Variants in APBB2 observed in about 807,000 individuals in gnomAD.
The protein encoded by APBB2 is Fe65-like 1.
In APBB2, 38 loss-of-function variants were observed where a neutral mutation model predicts 82.5. The observed-to-expected ratio is 0.46, with a 90% confidence interval of 0.36 to 0.60. The LOEUF is 0.60. Among genes scored for constraint, APBB2 ranks in the 20% least tolerant of loss-of-function variants. The pLI is 0.00. For synonymous variants in APBB2, 341 were observed against 368.2 expected (o/e 0.93, Z 0.85); for missense variants, 772 against 972.3 (o/e 0.79, Z 2.74).
intron 5 of APBB2, among the ~76,000 whole-genome samples, chr4:41,023,995 AT>A (rs1712875358): frequency 6.6e-6 from 1 of 152,212 alleles, no homozygotes; most frequent in Admixed American, 6.5e-5. Context: ...ACACAGACCA[AT>A]GGGACAGAAT....
At chr4:40,961,683 A>AGTT (rs760708417) in intron 6 of APBB2, among the ~76,000 whole-genome samples, 8,424 of 140,168 alleles carry the variant, frequency 0.06, 360 homozygotes, top group East Asian at 0.096. Context: ...AAAAAAAAAA[A>AGTT]AAAAAAAAAA....
chr4:40,959,702 G>T (rs1252563591), intron 6 of APBB2, among the ~76,000 whole-genome samples: 1 of 152,032 alleles, frequency 6.6e-6, no homozygotes, highest in African/African-American at 2.4e-5. Flanking sequence ...TCTGTGTGTG[G>T]GAACATTATT....
At chr4:40,966,872 C>T (rs974246727) in intron 6 of APBB2, among the ~76,000 whole-genome samples, 8 of 152,148 alleles carry the variant, frequency 5.3e-5, no homozygotes, top group African/African-American at 1.7e-4. Context: ...GGCTCCTGGG[C>T]AGAAAGGGTC....
chr4:40,883,670 G>A (rs918739074), intron 12 of APBB2, among the ~76,000 whole-genome samples: 2 of 148,190 alleles, frequency 1.3e-5, no homozygotes, highest in Non-Finnish European at 3.0e-5. Flanking sequence ...CCCGAATGCT[G>A]CTAGTAGAAG....
intron 12 of APBB2, chr4:40,880,515 GT>G: frequency 1.0e-6 from 1 of 985,406 alleles, no homozygotes; most frequent in South Asian, 4.7e-5. Context: ...GGTTATCATG[GT>G]TATGACTTCC....
At chr4:41,116,658 A>T (rs1289851125) in intron 2 of APBB2, among the ~76,000 whole-genome samples, 1 of 152,152 alleles carries the variant, frequency 6.6e-6, no homozygotes, top group Non-Finnish European at 1.5e-5. Context: ...GCTAGCTATA[A>T]TTAATTTTTA....
chr4:41,112,389 A>T (rs184550469), intron 2 of APBB2, among the ~76,000 whole-genome samples: 1 of 152,312 alleles, frequency 6.6e-6, no homozygotes, highest in African/African-American at 2.4e-5. Context: ...GGATACAGGC[A>T]GGGCCAAAAA....
chr4:40,944,997 G>T lies in APBB2; in HGVS notation c.912C>A (p.Ala304=). 1 of 1,611,624 alleles carries T rather than the reference G, an allele frequency of 6.2e-7. No individual in the cohort carries two copies. Among genetic ancestry groups the T allele is most frequent in the Non-Finnish European group, 8.5e-7 (1 of 1,179,106 alleles). The change falls in exon 7 of 18, where the codon GCC becomes GCA. Residue 304 remains alanine, a synonymous_variant. Transcript: ENST00000508593. ...PPGWKRVSDI[A]GTYYWHIPTG... ...TTGGGATGTGCCAATAATAGGTCCCGGCAATGTCACTGACTCTTTTCCAGC... is the reference window on the plus strand; with the variant it reads ...TTGGGATGTGCCAATAATAGGTCCCTGCAATGTCACTGACTCTTTTCCAGC...
intron 12 of APBB2, among the ~76,000 whole-genome samples, chr4:40,836,493 A>C (rs1316836233): frequency 6.6e-6 from 1 of 152,122 alleles, no homozygotes; most frequent in Non-Finnish European, 1.5e-5. Flanking sequence ...CAAACAAACA[A>C]ACAAACAAAC....
At chr4:41,031,846 G>A (rs946130867) in intron 5 of APBB2, among the ~76,000 whole-genome samples, 1 of 152,002 alleles carries the variant, frequency 6.6e-6, no homozygotes, top group Non-Finnish European at 1.5e-5. Flanking sequence ...AAGAACATAC[G>A]TATTTATTTT....
intron 2 of APBB2, among the ~76,000 whole-genome samples, chr4:41,119,551 T>A (rs1752175592): frequency 6.8e-6 from 1 of 146,314 alleles, no homozygotes; most frequent in Non-Finnish European, 1.5e-5. Flanking sequence ...AAGTTGGCAA[T>A]TTTTTTTTCC....
intron 12 of APBB2, among the ~76,000 whole-genome samples, chr4:40,871,398 G>A (rs1261269852): frequency 6.6e-6 from 1 of 152,194 alleles, no homozygotes; most frequent in Non-Finnish European, 1.5e-5. Flanking sequence ...GCCCGCCTTG[G>A]CCTCCCAAAG....
chr4:41,013,505 G>T, intron 6 of APBB2, 78 bp downstream of exon 6: 2 of 1,383,330 alleles, frequency 1.4e-6, no homozygotes, highest in Non-Finnish European at 2.0e-6. Context: ...TTTTTGGTCA[G>T]TCTAGAGATT....
At chr4:40,979,521 T>C (rs1410061512) in intron 6 of APBB2, among the ~76,000 whole-genome samples, 1 of 152,250 alleles carries the variant, frequency 6.6e-6, no homozygotes, top group Non-Finnish European at 1.5e-5. Flanking sequence ...ACTGTTTTTG[T>C]TCTAATTTAA....
At chr4:41,034,456 T>G (rs556915006) in intron 4 of APBB2, among the ~76,000 whole-genome samples, 24 of 152,160 alleles carry the variant, frequency 1.6e-4, no homozygotes, top group African/African-American at 5.8e-4. Flanking sequence ...TCCCGAGTAG[T>G]TGGGATTACA....
At chr4:41,075,800 TTA>T (rs1735449785) in intron 3 of APBB2, among the ~76,000 whole-genome samples, 1 of 152,226 alleles carries the variant, frequency 6.6e-6, no homozygotes, top group Non-Finnish European at 1.5e-5. Context: ...CTTTTTTCTA[TTA>T]TATTCTCAAA....
intron 10 of APBB2, among the ~76,000 whole-genome samples, chr4:40,921,165 T>C (rs1781160727): frequency 1.3e-5 from 2 of 152,214 alleles, no homozygotes; most frequent in South Asian, 4.1e-4. Flanking sequence ...AACTTGTCCA[T>C]AATGGCCTCA....
chr4:41,047,981 T>C (rs1724060013), intron 4 of APBB2, among the ~76,000 whole-genome samples: 1 of 152,234 alleles, frequency 6.6e-6, no homozygotes. Context: ...TTTTGTGATA[T>C]GTCTAACATC....
chr4:40,901,187 G>A (rs1775174583), intron 10 of APBB2, among the ~76,000 whole-genome samples: 1 of 152,156 alleles, frequency 6.6e-6, no homozygotes, highest in Admixed American at 6.5e-5. Flanking sequence ...GTTGCCATGA[G>A]GATAACAGGA....
Sources: allele counts gnomAD v4.1 joint callset (sites outside exome capture counted in the v4.1 genomes callset), GRCh38; gene constraint gnomAD v4.1.1; transcripts MANE v1.5; gene names NCBI Gene and HGNC (gene_info 2026-07-23, HGNC 2026-07-21).